Variants in PRKCQ observed in about 807,000 individuals in gnomAD.
PRKCQ encodes the protein protein kinase C theta, also known as protein kinase C theta type.
PRKCQ carries 41 observed loss-of-function variants against 91.2 expected under a neutral mutation model. The ratio of observed to expected loss-of-function variants is 0.45; its 90% CI spans 0.35 to 0.58. PRKCQ has a LOEUF of 0.58. Among genes scored for constraint, PRKCQ ranks in the 20% least tolerant of loss-of-function variants. PRKCQ has a pLI of 0.00. For synonymous variants in PRKCQ, 307 were observed against 316.9 expected (o/e 0.97, Z 0.33); for missense variants, 673 against 896.5 (o/e 0.75, Z 3.18).
At chr10:6,457,712 G>A (rs868627099) in intron 14 of PRKCQ, among the ~76,000 whole-genome samples, 11 of 152,100 alleles carry the variant, frequency 7.2e-5, no homozygotes, top group African/African-American at 1.2e-4. Context: ...AGGTTACAGC[G>A]GCACCCAGAG....
intron 1 of PRKCQ, among the ~76,000 whole-genome samples, chr10:6,521,278 C>A (rs929132095): frequency 6.6e-6 from 1 of 152,102 alleles, no homozygotes; most frequent in Non-Finnish European, 1.5e-5. Flanking sequence ...AACATTTTAC[C>A]AAATCTCTTC....
In PRKCQ at chr10:6,497,849, C is replaced by T. The variant is rs568442398; in HGVS notation, c.542+547G>A. The stretch of plus-strand genomic sequence containing the variant: ...TGCAGTAGCCTAAAGGGAAGAGTAT[C>T]CCTTAATAGGCTAGGATGCTGAGAG... On this transcript the variant is annotated intron_variant, in intron 5 of 17. Coordinates refer to ENST00000263125, the MANE Select transcript of PRKCQ (RefSeq NM_006257.5). The surrounding 1 kb of genome is among the most constrained non-coding windows in gnomAD (Gnocchi z 4.5). 2.0e-5 allele frequency among the ~76,000 whole-genome samples: 3 copies of T among 152,286 alleles called. No homozygotes were observed. In the South Asian group the frequency reaches 6.2e-4, roughly 32 times the overall value.
At chr10:6,559,224 A>G (rs959570039) in intron 1 of PRKCQ, among the ~76,000 whole-genome samples, 1 of 152,210 alleles carries the variant, frequency 6.6e-6, no homozygotes, top group Non-Finnish European at 1.5e-5. Context: ...GGTGCCAGGA[A>G]AAGAACTGGC....
At chr10:6,522,394 T>C (rs1347381859) in intron 1 of PRKCQ, among the ~76,000 whole-genome samples, 1 of 152,196 alleles carries the variant, frequency 6.6e-6, no homozygotes, top group Non-Finnish European at 1.5e-5. Flanking sequence ...CGCTATTATG[T>C]ACTGAACTGA....
At chr10:6,399,532 A>G in the PRKCQ span, among the ~76,000 whole-genome samples, 3 of 148,282 alleles carry the variant, frequency 2.0e-5, no homozygotes, top group Non-Finnish European at 4.4e-5. Flanking sequence ...GTGTTGAGAC[A>G]GGTTGAATAG....
chr10:6,473,607 T>A (rs1274469387), intron 12 of PRKCQ, among the ~76,000 whole-genome samples: 1 of 152,192 alleles, frequency 6.6e-6, no homozygotes, highest in Admixed American at 6.5e-5. Context: ...TTAATTCTTG[T>A]CTTAGTGCAG....
chr10:6,421,204 C>A, the PRKCQ span, among the ~76,000 whole-genome samples: 1 of 152,074 alleles, frequency 6.6e-6, no homozygotes, highest in Non-Finnish European at 1.5e-5. This position sits in a 1 kb window ranked among gnomAD's most constrained non-coding sequence, Gnocchi z 4.1. Context: ...ATTGTTGTAG[C>A]CTGGGCATGG....
At chr10:6,560,723 T>C (rs946498806) in intron 1 of PRKCQ, among the ~76,000 whole-genome samples, 1 of 152,176 alleles carries the variant, frequency 6.6e-6, no homozygotes, top group African/African-American at 2.4e-5. Flanking sequence ...AAACAAAGTA[T>C]AGGTTTCTTG....
chr10:6,561,758 T>G (rs761375729), intron 1 of PRKCQ, among the ~76,000 whole-genome samples: 50 of 152,244 alleles, frequency 3.3e-4, no homozygotes, highest in Admixed American at 1.2e-3. Context: ...ACAAACTTTC[T>G]TCTTAACAGC....
At chr10:6,468,769 C>T (rs1368856640) in intron 12 of PRKCQ, among the ~76,000 whole-genome samples, 1 of 152,142 alleles carries the variant, frequency 6.6e-6, no homozygotes, top group East Asian at 1.9e-4. Context: ...AATTTACCAT[C>T]ACACCTTTCA....
the PRKCQ span, among the ~76,000 whole-genome samples, chr10:6,414,925 C>T: frequency 1.3e-5 from 2 of 152,006 alleles, no homozygotes; most frequent in African/African-American, 4.8e-5. Flanking sequence ...TAATGGCCTC[C>T]AACTTTCCAA....
At chr10:6,422,560 T>C (rs949516288), downstream of PRKCQ, among the ~76,000 whole-genome samples, 1 of 152,156 alleles carries the variant, frequency 6.6e-6, no homozygotes, top group Non-Finnish European at 1.5e-5. Flanking sequence ...AACCTCAGTG[T>C]CCTTGTTGAT....
chr10:6,500,535 G>C (rs1285070327), intron 4 of PRKCQ, among the ~76,000 whole-genome samples: 2 of 150,996 alleles, frequency 1.3e-5, no homozygotes, highest in African/African-American at 4.9e-5. Context: ...AAAATATCAG[G>C]AATTTCTAGA....
At chr10:6,413,841 T>A in the PRKCQ span, among the ~76,000 whole-genome samples, 2 of 151,504 alleles carry the variant, frequency 1.3e-5, no homozygotes, top group Non-Finnish European at 2.9e-5. Context: ...ACACACACAC[T>A]AGGAAGCACT....
At chr10:6,445,983 C>T (rs1026342698) in intron 15 of PRKCQ, among the ~76,000 whole-genome samples, 2 of 152,128 alleles carry the variant, frequency 1.3e-5, no homozygotes, top group African/African-American at 2.4e-5. Flanking sequence ...AGCTGTGGTG[C>T]AAATTAAGGC....
At chr10:6,394,789 A>G in the PRKCQ span, among the ~76,000 whole-genome samples, 1 of 152,242 alleles carries the variant, frequency 6.6e-6, no homozygotes, top group Non-Finnish European at 1.5e-5. Flanking sequence ...TATTTTCTCA[A>G]AAACAAATAG....
At chr10:6,579,162 C>A (rs544245513) in intron 1 of PRKCQ, among the ~76,000 whole-genome samples, 65 of 152,312 alleles carry the variant, frequency 4.3e-4, no homozygotes, top group African/African-American at 1.3e-3. Context: ...GTAGGTGGTT[C>A]TTAAAAGAAT....
chr10:6,495,359 G>A (rs1837531773), intron 7 of PRKCQ, among the ~76,000 whole-genome samples: 1 of 152,138 alleles, frequency 6.6e-6, no homozygotes, highest in African/African-American at 2.4e-5. Context: ...CACCACACTG[G>A]TCCCATTTCA....
chr10:6,485,288 G>A lies in PRKCQ; in HGVS notation c.901-19C>T, dbSNP rs1480505980. ...AGCGAGCCTGGATGACAAACAGAGA[G>A]TCAGACCACCCACCCACCCACCATT... On this transcript the variant is annotated intron_variant, in intron 9 of 17. Coordinates refer to ENST00000263125, the MANE Select transcript of PRKCQ (RefSeq NM_006257.5). 4 of 1,598,316 alleles carry A rather than the reference G, an allele frequency of 2.5e-6. No homozygotes were observed. The highest frequency in any genetic ancestry group is 3.4e-6 in the Non-Finnish European group (4 of 1,166,646).
Sources: allele counts gnomAD v4.1 joint callset (sites outside exome capture counted in the v4.1 genomes callset), GRCh38; gene constraint gnomAD v4.1.1; non-coding constraint Gnocchi (gnomAD v3.1); transcripts MANE v1.5; gene names NCBI Gene and HGNC (gene_info 2026-07-23, HGNC 2026-07-21).